Variants in STARD13 observed in about 807,000 individuals in gnomAD.
The protein encoded by STARD13 is StAR related lipid transfer domain containing 13.
Under a neutral mutation model 106.4 loss-of-function variants are expected in STARD13, and 62 were observed. The observed-to-expected ratio is 0.58, with a 90% confidence interval of 0.48 to 0.72. The LOEUF (loss-of-function observed/expected upper bound fraction) is 0.72, where lower values mean the gene tolerates loss of function less well. Ranked by LOEUF, STARD13 falls within the 30% of genes least tolerant of loss-of-function variation. The pLI is 0.00. For missense variants in STARD13, 1,387 were observed against 1,424.0 expected, an observed-to-expected ratio of 0.97 and a Z score of 0.42; for synonymous variants, 565 against 553.0, an observed-to-expected ratio of 1.02 and a Z score of -0.31.
chr13:33,208,225 T>A (rs1044079258), intron 1 of STARD13, among the ~76,000 whole-genome samples: 1 of 151,674 alleles, frequency 6.6e-6, no homozygotes, highest in Non-Finnish European at 1.5e-5. Flanking sequence ...ATGAGGACAG[T>A]GGGAGGTGGA....
chr13:33,556,893 A>G, the STARD13 span, among the ~76,000 whole-genome samples: 1 of 152,164 alleles, frequency 6.6e-6, no homozygotes, highest in Middle Eastern at 3.2e-3. Context: ...AGCTGGGACC[A>G]CAAGCACACA....
chr13:33,212,463 G>A (rs913894555), intron 1 of STARD13, among the ~76,000 whole-genome samples: 1 of 152,130 alleles, frequency 6.6e-6, no homozygotes, highest in Admixed American at 6.5e-5. Context: ...TTCAGATTTG[G>A]ACACTGAGTT....
chr13:33,617,180 T>G, the STARD13 span, among the ~76,000 whole-genome samples: 1 of 152,262 alleles, frequency 6.6e-6, no homozygotes, highest in African/African-American at 2.4e-5. Context: ...TGAATCATAA[T>G]TTGATCACTT....
chr13:33,474,090 C>T, the STARD13 span, among the ~76,000 whole-genome samples: 1 of 152,136 alleles, frequency 6.6e-6, no homozygotes, highest in Non-Finnish European at 1.5e-5. Flanking sequence ...CCGTCTCACC[C>T]CAGTATTCTT....
At chr13:33,271,900 C>G (rs536169425) in intron 1 of STARD13, among the ~76,000 whole-genome samples, 21 of 152,102 alleles carry the variant, frequency 1.4e-4, no homozygotes, top group Non-Finnish European at 2.9e-4. Flanking sequence ...GACAGGGTTG[C>G]ACAGTCAAGA....
the STARD13 span, among the ~76,000 whole-genome samples, chr13:33,603,034 A>G: frequency 6.6e-6 from 1 of 152,128 alleles, no homozygotes; most frequent in African/African-American, 2.4e-5. Flanking sequence ...TATTTGTTTT[A>G]AGAGTTCCTT....
At chr13:33,310,164 G>A (rs146527670) in intron 1 of STARD13, among the ~76,000 whole-genome samples, 1 of 152,232 alleles carries the variant, frequency 6.6e-6, no homozygotes, top group African/African-American at 2.4e-5. Context: ...TTGGTTCTTG[G>A]GAGACCACGT....
chr13:33,439,621 A>G, the STARD13 span: 1 of 746,040 alleles, frequency 1.3e-6, no homozygotes, highest in South Asian at 1.5e-5. Context: ...TTAAATTTAT[A>G]GGGATGAGGC....
intron 1 of STARD13, among the ~76,000 whole-genome samples, chr13:33,208,861 A>T (rs566163393): frequency 2.0e-3 from 311 of 152,324 alleles, no homozygotes; most frequent in African/African-American, 5.9e-3. Context: ...TTCAAGTTTT[A>T]ATTTCAGCAT....
At chr13:33,123,264 T>C (rs1293022786) in intron 7 of STARD13, among the ~76,000 whole-genome samples, 1 of 152,150 alleles carries the variant, frequency 6.6e-6, no homozygotes, top group African/African-American at 2.4e-5. Context: ...AGGCTGAGCA[T>C]GAGTGGTGCA....
chr13:33,235,899 A>G (rs1889164506), intron 1 of STARD13, among the ~76,000 whole-genome samples: 1 of 152,374 alleles, frequency 6.6e-6, no homozygotes, highest in South Asian at 2.1e-4. Context: ...GTGCTTGGGC[A>G]GGTGGATGTT....
chr13:33,583,514 C>T, the STARD13 span, among the ~76,000 whole-genome samples: 2 of 152,316 alleles, frequency 1.3e-5, no homozygotes, highest in Non-Finnish European at 1.5e-5. Flanking sequence ...TTAGTCTACA[C>T]TTTCCCTGCC....
Position 33,109,942 on chromosome 13 carries a change from T to C in STARD13, c.2978A>G (p.Gln993Arg). 1.9e-6 allele frequency: 3 copies of C among 1,614,158 alleles called. No homozygotes were observed. In the East Asian group the frequency reaches 6.7e-5, roughly 36 times the overall value. The change falls in exon 12 of 14, where the codon CAA becomes CGA. Residue 993 changes from glutamine (Q) to arginine (R), a missense_variant. Gln to Arg is a conservative substitution (Grantham distance 43, BLOSUM62 1). Transcript: ENST00000336934. ...CAGCACATACTGGTAGATCTCTGTT[T>C]GCCTGTCTAGAGTTTCCACAACCTT... ...QWKVVETLDRQTEIYQYVLNS... is the reference protein window; with the variant it reads ...QWKVVETLDRRTEIYQYVLNS...
the STARD13 span, among the ~76,000 whole-genome samples, chr13:33,465,201 CTT>C: frequency 1.4e-3 from 86 of 60,670 alleles, no homozygotes; most frequent in African/African-American, 3.9e-3. Flanking sequence ...TGGTCTTCTT[CTT>C]TTTTTTTTTT....
chr13:33,655,623 G>T, the STARD13 span, among the ~76,000 whole-genome samples: 1 of 151,858 alleles, frequency 6.6e-6, no homozygotes, highest in Non-Finnish European at 1.5e-5. Context: ...GATAATTTTT[G>T]TTCCTTAGTA....
chr13:33,225,105 G>T (rs902315145), intron 1 of STARD13, among the ~76,000 whole-genome samples: 1 of 151,812 alleles, frequency 6.6e-6, no homozygotes, highest in Non-Finnish European at 1.5e-5. Flanking sequence ...CTTTCTAAAC[G>T]GAATATACAT....
chr13:33,472,695 G>T, the STARD13 span, among the ~76,000 whole-genome samples: 1 of 152,154 alleles, frequency 6.6e-6, no homozygotes, highest in Non-Finnish European at 1.5e-5. Flanking sequence ...ACCAAAACAT[G>T]CAGCAATTTA....
At chr13:33,281,261 C>T (rs1059180) in intron 1 of STARD13, 91,047 of 152,068 alleles carry the variant, frequency 0.6, 28,108 homozygotes, top group East Asian at 0.84. Context: ...GTCTCCTTAT[C>T]CTACTTCAGT....
At chr13:33,167,994 T>C (rs1183657687) in intron 1 of STARD13, among the ~76,000 whole-genome samples, 1 of 139,390 alleles carries the variant, frequency 7.2e-6, no homozygotes. Context: ...TTTTTTTTAA[T>C]GGAATTTTTT....
Sources: allele counts gnomAD v4.1 joint callset (sites outside exome capture counted in the v4.1 genomes callset), GRCh38; gene constraint gnomAD v4.1.1; transcripts MANE v1.5; gene names NCBI Gene and HGNC (gene_info 2026-07-23, HGNC 2026-07-21).